Variants in BCL2L1 observed in about 807,000 individuals in gnomAD.
The protein encoded by BCL2L1 is bcl-2-like protein 1.
Under a neutral mutation model 18.7 loss-of-function variants are expected in BCL2L1, and 1 was observed. That is an observed-to-expected ratio of 0.05 (90% CI 0.02 to 0.25). BCL2L1 has a LOEUF of 0.25. Among genes scored for constraint, BCL2L1 ranks in the 10% least tolerant of loss-of-function variants. BCL2L1 has a pLI of 1.00. For synonymous variants in BCL2L1, 103 were observed against 122.7 expected (o/e 0.84, Z 1.06); for missense variants, 207 against 304.9 (o/e 0.68, Z 2.39).
intron 2 of BCL2L1, among the ~76,000 whole-genome samples, chr20:31,710,115 T>C (rs2061430471): frequency 6.6e-6 from 1 of 152,218 alleles, no homozygotes; most frequent in Admixed American, 6.5e-5. Context: ...CACAGTCACT[T>C]ATTCAACAAA....
chr20:31,719,448 C>T (rs72547263), intron 2 of BCL2L1, among the ~76,000 whole-genome samples: 17 of 152,204 alleles, frequency 1.1e-4, no homozygotes, highest in African/African-American at 3.1e-4. Flanking sequence ...AGGAAGGGGG[C>T]GGGTACCTTC....
Position 31,664,698 on chromosome 20 carries a change from TAC to T in BCL2L1, c.*1249_*1250del, listed in dbSNP as rs752115367. On this transcript the variant is annotated 3_prime_UTR_variant, in exon 3 of 3. Coordinates refer to ENST00000307677, the MANE Select transcript of BCL2L1 (RefSeq NM_138578.3). ...AAGCCAGCAGCTCCTCACACATAAATACAGACACGCTTAACAAAAATAGTATA... is the reference window on the plus strand; with the variant it reads ...AAGCCAGCAGCTCCTCACACATAAATAGACACGCTTAACAAAAATAGTATA... 68 of 215,168 alleles carry T rather than the reference TAC, an allele frequency of 3.2e-4. 1 individual carries two copies. Among genetic ancestry groups the T allele is most frequent in the Non-Finnish European group, 5.9e-4 (63 of 106,108 alleles). The allele number at this position is 215,168 out of a possible 1,614,324, so 13.3% of individuals were successfully genotyped here.
intron 2 of BCL2L1, among the ~76,000 whole-genome samples, chr20:31,674,562 GA>G: frequency 6.6e-6 from 1 of 152,262 alleles, no homozygotes; most frequent in East Asian, 1.9e-4. Context: ...GAGATACTGA[GA>G]CCTAGCTAAA....
At chr20:31,691,316 C>T (rs1383032308) in intron 2 of BCL2L1, among the ~76,000 whole-genome samples, 1 of 151,242 alleles carries the variant, frequency 6.6e-6, no homozygotes, top group Non-Finnish European at 1.5e-5. Flanking sequence ...GAGTTGGAGA[C>T]CAGCCTGGCC....
intron 2 of BCL2L1, among the ~76,000 whole-genome samples, chr20:31,669,262 G>T (rs1422547278): frequency 6.6e-6 from 1 of 150,852 alleles, no homozygotes; most frequent in African/African-American, 2.4e-5. Context: ...GTCTCACTTT[G>T]TTGCCTAGGC....
intron 2 of BCL2L1, among the ~76,000 whole-genome samples, chr20:31,691,384 C>T (rs2061071605): frequency 6.7e-6 from 1 of 149,482 alleles, no homozygotes; most frequent in Admixed American, 6.7e-5. Context: ...TGTGGTAGTG[C>T]ATGCCTGTAA....
At chr20:31,723,421 A>G, upstream of BCL2L1, 1 of 985,392 alleles carries the variant, frequency 1.0e-6, no homozygotes, top group Non-Finnish European at 1.2e-6. Context: ...GGACAGGCCC[A>G]AAGTGGCTTT....
chr20:31,692,257 G>A (rs1440777296), intron 2 of BCL2L1, among the ~76,000 whole-genome samples: 1 of 152,254 alleles, frequency 6.6e-6, no homozygotes, highest in Admixed American at 6.5e-5. Flanking sequence ...ATGTGCAGGA[G>A]ACACAAACAG....
At chr20:31,690,210 A>C (rs2061039270) in intron 2 of BCL2L1, among the ~76,000 whole-genome samples, 1 of 151,942 alleles carries the variant, frequency 6.6e-6, no homozygotes, top group African/African-American at 2.4e-5. Flanking sequence ...TAGCTTCCCA[A>C]GTAGCTAGGA....
chr20:31,688,256 G>A (rs539343979), intron 2 of BCL2L1, among the ~76,000 whole-genome samples: 5 of 151,854 alleles, frequency 3.3e-5, no homozygotes, highest in Admixed American at 1.3e-4. Context: ...CCAGCCTGGC[G>A]AACATAGCAA....
At chr20:31,669,109 G>A (rs900941769) in intron 2 of BCL2L1, among the ~76,000 whole-genome samples, 3 of 152,000 alleles carry the variant, frequency 2.0e-5, no homozygotes, top group African/African-American at 4.8e-5. Context: ...AGGTTAGACT[G>A]TAGTGGCGCA....
intron 2 of BCL2L1, among the ~76,000 whole-genome samples, chr20:31,691,967 A>G (rs911112158): frequency 2.0e-5 from 3 of 152,216 alleles, no homozygotes; most frequent in Non-Finnish European, 4.4e-5. Flanking sequence ...ATTCACACAA[A>G]CACAGGAAAA....
At chr20:31,695,225 G>A (rs1028784427) in intron 2 of BCL2L1, among the ~76,000 whole-genome samples, 3 of 152,086 alleles carry the variant, frequency 2.0e-5, no homozygotes, top group East Asian at 3.9e-4. Flanking sequence ...TCCTGCTCCC[G>A]CTCTTACCCA....
At chr20:31,704,960 G>GT (rs1173828174) in intron 2 of BCL2L1, among the ~76,000 whole-genome samples, 4 of 152,174 alleles carry the variant, frequency 2.6e-5, no homozygotes, top group Non-Finnish European at 5.9e-5. Context: ...GATTAAATGG[G>GT]TTTCTAGTCT....
chr20:31,697,100 T>C (rs1240891450), intron 2 of BCL2L1, among the ~76,000 whole-genome samples: 1 of 151,066 alleles, frequency 6.6e-6, no homozygotes, highest in Non-Finnish European at 1.5e-5. Flanking sequence ...CATGTGCCTA[T>C]ATTTTAGCTT....
chr20:31,704,879 A>G (rs538023954), intron 2 of BCL2L1, among the ~76,000 whole-genome samples: 1 of 152,310 alleles, frequency 6.6e-6, no homozygotes, highest in East Asian at 1.9e-4. Flanking sequence ...AAAGAAAGAG[A>G]ATATTCTCAG....
At chr20:31,688,118 T>C (rs931999340) in intron 2 of BCL2L1, among the ~76,000 whole-genome samples, 5 of 152,120 alleles carry the variant, frequency 3.3e-5, no homozygotes, top group Non-Finnish European at 7.4e-5. Context: ...GTTTATCTTA[T>C]ATCCAGGGCC....
intron 2 of BCL2L1, among the ~76,000 whole-genome samples, chr20:31,699,484 G>A (rs1260470145): frequency 3.3e-5 from 5 of 152,202 alleles, no homozygotes; most frequent in African/African-American, 1.2e-4. Flanking sequence ...CCAGGCTCTG[G>A]AGGCATCCTC....
chr20:31,679,620 C>T (rs1296062789), intron 2 of BCL2L1, among the ~76,000 whole-genome samples: 1 of 152,166 alleles, frequency 6.6e-6, no homozygotes, highest in African/African-American at 2.4e-5. Flanking sequence ...CCATGGTAAG[C>T]GTTCTGTAAA....
Sources: allele counts gnomAD v4.1 joint callset (sites outside exome capture counted in the v4.1 genomes callset), GRCh38; gene constraint gnomAD v4.1.1; transcripts MANE v1.5; gene names NCBI Gene and HGNC (gene_info 2026-07-23, HGNC 2026-07-21).